Variants in MYCBP2 observed in about 807,000 individuals in gnomAD.
MYCBP2 encodes the protein E3 ubiquitin-protein ligase MYCBP2.
A neutral mutation model predicts 525.3 loss-of-function variants in MYCBP2; 120 were observed. The ratio of observed to expected loss-of-function variants is 0.23; its 90% CI spans 0.20 to 0.27. The LOEUF (loss-of-function observed/expected upper bound fraction) is 0.27, where lower values mean the gene tolerates loss of function less well. MYCBP2 is among the 10% of genes least tolerant of loss of function. MYCBP2 has a pLI of 1.00. For missense variants in MYCBP2, 4,149 were observed against 5,657.1 expected, an observed-to-expected ratio of 0.73 and a Z score of 8.55; for synonymous variants, 1,894 against 1,955.8, an observed-to-expected ratio of 0.97 and a Z score of 0.83.
intron 1 of MYCBP2, among the ~76,000 whole-genome samples, chr13:77,311,555 G>GTT (rs1413537383): frequency 7.0e-6 from 1 of 142,152 alleles, no homozygotes; most frequent in African/African-American, 2.6e-5. Flanking sequence ...GGAAAGAGAA[G>GTT]TTTTTTTTTG....
At chr13:77,222,584 G>A (rs147701329) in intron 20 of MYCBP2, among the ~76,000 whole-genome samples, 1 of 152,018 alleles carries the variant, frequency 6.6e-6, no homozygotes, top group East Asian at 1.9e-4. Context: ...TAGAATCTGG[G>A]GACCTTTTAG....
chr13:77,087,736 C>T, intron 61 of MYCBP2, 103 bp from the exon 62 acceptor site: 1 of 980,592 alleles, frequency 1.0e-6, no homozygotes, highest in Non-Finnish European at 1.5e-6. Flanking sequence ...AAGAAAGATA[C>T]TAGAAAATCT....
At chr13:77,116,659 A>C (rs1046532023) in intron 55 of MYCBP2, among the ~76,000 whole-genome samples, 1 of 152,040 alleles carries the variant, frequency 6.6e-6, no homozygotes, top group Non-Finnish European at 1.5e-5. Flanking sequence ...ATTGAAACAT[A>C]GCTAAGCCAT....
At chr13:77,303,061 G>A (rs9530634) in intron 1 of MYCBP2, among the ~76,000 whole-genome samples, 66,822 of 152,098 alleles carry the variant, frequency 0.44, 18,496 homozygotes, top group Non-Finnish European at 0.62. Context: ...TCGGCCAGGC[G>A]CGGTGGCTCA....
intron 55 of MYCBP2, chr13:77,103,076 A>T (rs943092239): frequency 5.1e-6 from 2 of 389,170 alleles, no homozygotes; most frequent in African/African-American, 4.1e-5. Context: ...ACATATATAA[A>T]TGTAAATAAA....
At chr13:77,294,131 C>CATATATATAT in intron 2 of MYCBP2, among the ~76,000 whole-genome samples, 12 of 65,708 alleles carry the variant, frequency 1.8e-4, no homozygotes, top group Admixed American at 6.1e-4. Context: ...TATATATATA[C>CATATATATAT]ATATATATAT....
At chr13:77,161,791 TA>T in intron 44 of MYCBP2, 114 bp downstream of exon 44, 1 of 736,718 alleles carries the variant, frequency 1.4e-6, no homozygotes, top group Non-Finnish European at 2.3e-6. Flanking sequence ...TGCCAATGAA[TA>T]AAGTGAAGTA....
intron 82 of MYCBP2, among the ~76,000 whole-genome samples, chr13:77,047,349 T>C (rs1485792630): frequency 6.6e-6 from 1 of 152,164 alleles, no homozygotes. Context: ...GACACAGCAA[T>C]ACCTAACTCA....
chr13:77,251,050 G>A, intron 15 of MYCBP2, 101 bp downstream of exon 15: 1 of 981,330 alleles, frequency 1.0e-6, no homozygotes, highest in East Asian at 2.6e-5. Context: ...GATGCCACTG[G>A]TCTTTAAGAA....
intron 82 of MYCBP2, among the ~76,000 whole-genome samples, chr13:77,048,289 G>A (rs951890225): frequency 1.3e-5 from 2 of 152,124 alleles, no homozygotes; most frequent in Admixed American, 1.3e-4. Context: ...CACCTCGACT[G>A]CTAATTCCTA....
intron 55 of MYCBP2, among the ~76,000 whole-genome samples, chr13:77,119,484 C>T (rs1486820884): frequency 1.3e-5 from 2 of 151,488 alleles, no homozygotes; most frequent in Non-Finnish European, 2.9e-5. Context: ...TAAATAAATG[C>T]TGTAGATTAT....
rs1423450024 is a variant in MYCBP2, at chr13:77,185,137, G to C, written c.4685C>G (p.Ala1562Gly). The C allele has an allele frequency of 5.6e-6, 9 of 1,613,884 alleles. No homozygotes were observed. The African/African-American group carries it at 1.1e-4, about 19-fold the overall frequency. ...SFYPTPALQW[A>G]CLCDLLNCLD... Reference sequence around the variant, plus strand: ...ACAATTCAGCAGATCACAAAGGCAAGCCCACTGTAAGGCAGGAGTTGGGTA... The same window carrying C: ...ACAATTCAGCAGATCACAAAGGCAACCCCACTGTAAGGCAGGAGTTGGGTA... Residue 1562 changes from alanine (A) to glycine (G), a missense_variant, in exon 32 of 83, where the codon GCT (alanine) becomes GGT (glycine). Coordinates refer to ENST00000544440, the MANE Select transcript of MYCBP2 (RefSeq NM_015057.5).
At chr13:77,281,807 T>C (rs1267677782) in intron 3 of MYCBP2, among the ~76,000 whole-genome samples, 1 of 152,226 alleles carries the variant, frequency 6.6e-6, no homozygotes, top group Non-Finnish European at 1.5e-5. Flanking sequence ...CATAAAAGTT[T>C]AGTTACATCA....
intron 32 of MYCBP2, among the ~76,000 whole-genome samples, chr13:77,182,760 G>A (rs1000560425): frequency 3.9e-5 from 6 of 152,170 alleles, no homozygotes; most frequent in African/African-American, 1.2e-4. Context: ...TTTTTTTCAC[G>A]AAGGAGGGCG....
chr13:77,178,317 CTA>C (rs1359887451), intron 34 of MYCBP2, among the ~76,000 whole-genome samples: 1 of 152,186 alleles, frequency 6.6e-6, no homozygotes, highest in African/African-American at 2.4e-5. Context: ...AGTTTTCAAA[CTA>C]TGCAACACAG....
intron 54 of MYCBP2, among the ~76,000 whole-genome samples, chr13:77,122,498 G>A (rs1431661620): frequency 2.6e-5 from 4 of 151,910 alleles, no homozygotes; most frequent in Non-Finnish European, 4.4e-5. Flanking sequence ...TCAGGAGATC[G>A]AGACCACGGT....
At chr13:77,305,831 T>A (rs533181618) in intron 1 of MYCBP2, among the ~76,000 whole-genome samples, 4 of 152,056 alleles carry the variant, frequency 2.6e-5, no homozygotes, top group Non-Finnish European at 5.9e-5. Context: ...TTTTTAAAAC[T>A]CAACAACCAC....
rs764263494 is a variant in MYCBP2 at position 77,288,283 on chromosome 13, C to T, written c.472G>A (p.Val158Ile). 3.7e-5 allele frequency: 60 copies of T among 1,613,922 alleles called. No individual in the cohort carries two copies. The highest frequency in any genetic ancestry group is 5.0e-5 in the Admixed American group (3 of 60,002). The change falls in exon 3 of 83, where the codon GTT becomes ATT. Residue 158 changes from valine to isoleucine, a missense_variant. Val to Ile is a conservative substitution (Grantham distance 29). Around this residue, in one of 21 missense-constraint regions of MYCBP2, gnomAD observed 413 missense variants for 451.2 expected, o/e 0.92. Transcript: ENST00000544440. ...FNIYCNVRHC[V>I]LEWQKKEISL... is the part of the protein sequence containing the mutation. ...ATTTCCTTTTTCTGCCATTCCAGAA[C>T]GCAATGGCGTACATTACAGTAAATA...
intron 48 of MYCBP2, 101 bp downstream of exon 48, chr13:77,146,061 A>C: frequency 2.8e-6 from 2 of 712,686 alleles, no homozygotes; most frequent in Non-Finnish European, 4.6e-6. Context: ...AATGCTATAA[A>C]GTATTTATTT....
Sources: allele counts gnomAD v4.1 joint callset (sites outside exome capture counted in the v4.1 genomes callset), GRCh38; gene constraint gnomAD v4.1.1; regional missense constraint gnomAD v4.1.1; transcripts MANE v1.5; gene names NCBI Gene and HGNC (gene_info 2026-07-23, HGNC 2026-07-21).